The following IGF1R variants were observed in gnomAD, a reference collection of about 807,000 sequenced individuals.
IGF1R encodes the protein insulin like growth factor 1 receptor, also known as insulin-like growth factor 1 receptor.
Under a neutral mutation model 144.6 loss-of-function variants are expected in IGF1R, and 44 were observed. The observed-to-expected ratio is 0.30, with a 90% CI of 0.24 to 0.39. The LOEUF (loss-of-function observed/expected upper bound fraction) is 0.39, where lower values mean the gene tolerates loss of function less well. Among genes scored for constraint, IGF1R ranks in the 10% least tolerant of loss-of-function variants. IGF1R has a pLI of 1.00. For missense variants in IGF1R, 1,355 were observed against 1,833.7 expected, an observed-to-expected ratio of 0.74 and a Z score of 4.77; for synonymous variants, 795 against 722.8, an observed-to-expected ratio of 1.10 and a Z score of -1.60.
chr15:98,899,409 G>T lies in IGF1R; in HGVS notation c.1103-68G>T. On this transcript the variant is annotated intron_variant, in intron 4 of 20. Transcript: ENST00000650285. ...CGTTGAATTGTTCTCACTTGTGTTTGTAAGAATCCAAGTATGTCACCCTTA... is the reference window on the plus strand; with the variant it reads ...CGTTGAATTGTTCTCACTTGTGTTTTTAAGAATCCAAGTATGTCACCCTTA... The T allele has an allele frequency of 4.0e-6, 6 of 1,517,564 alleles. No homozygotes were observed. The South Asian group carries it at 5.6e-5, about 14-fold the overall frequency. The allele number at this position is 1,517,564 out of a possible 1,614,324, so 94.0% of individuals were successfully genotyped here.
chr15:98,884,379 T>A (rs193194825), intron 2 of IGF1R, among the ~76,000 whole-genome samples: 12 of 152,282 alleles, frequency 7.9e-5, no homozygotes, highest in African/African-American at 2.9e-4. Context: ...TGAGCTGATC[T>A]TTCTGTACCC....
At chr15:98,649,781 CG>C (rs896363642) in intron 1 of IGF1R, 106 bp downstream of exon 1, 3 of 844,594 alleles carry the variant, frequency 3.6e-6, no homozygotes, top group African/African-American at 3.4e-5. Context: ...GTCGGGCCCC[CG>C]GGCTCGGGAG....
chr15:98,851,915 C>A (rs1037035344), intron 2 of IGF1R, among the ~76,000 whole-genome samples: 2 of 152,240 alleles, frequency 1.3e-5, no homozygotes, highest in African/African-American at 4.8e-5. Flanking sequence ...AGGAAAGGGA[C>A]TAACGGGGCA....
chr15:98,820,236 C>A (rs1033858243), intron 2 of IGF1R, among the ~76,000 whole-genome samples: 3 of 151,912 alleles, frequency 2.0e-5, no homozygotes, highest in African/African-American at 7.3e-5. Flanking sequence ...TAGCCTTTTT[C>A]TCTGGTCTTA....
intron 6 of IGF1R, among the ~76,000 whole-genome samples, chr15:98,909,492 C>G (rs1596433367): frequency 1.3e-5 from 2 of 152,138 alleles, no homozygotes; most frequent in African/African-American, 4.8e-5. Context: ...CTCCTGACCT[C>G]AAATGATCCA....
chr15:98,652,400 T>G (rs181269007), intron 1 of IGF1R, among the ~76,000 whole-genome samples: 160 of 152,342 alleles, frequency 1.1e-3, no homozygotes, highest in African/African-American at 3.8e-3. Flanking sequence ...GAAGTTAGTG[T>G]TTTATTACCA....
chr15:98,812,836 T>G (rs1191973114), intron 2 of IGF1R, among the ~76,000 whole-genome samples: 4 of 152,208 alleles, frequency 2.6e-5, no homozygotes, highest in Non-Finnish European at 5.9e-5. Flanking sequence ...GGCTTGTCAT[T>G]AGATAACTCC....
At chr15:98,757,567 A>G (rs1369688759) in intron 2 of IGF1R, among the ~76,000 whole-genome samples, 1 of 152,092 alleles carries the variant, frequency 6.6e-6, no homozygotes. Context: ...TTTATTTTTC[A>G]GGGATTACAT....
intron 2 of IGF1R, among the ~76,000 whole-genome samples, chr15:98,710,514 TAC>T (rs972998242): frequency 5.9e-5 from 9 of 152,138 alleles, no homozygotes; most frequent in African/African-American, 2.2e-4. Flanking sequence ...GTGTAAAATA[TAC>T]ACTAGATTTC....
At chr15:98,842,309 TGA>T (rs1410597748) in intron 2 of IGF1R, among the ~76,000 whole-genome samples, 1 of 152,212 alleles carries the variant, frequency 6.6e-6, no homozygotes, top group Non-Finnish European at 1.5e-5. Context: ...GATTTAACTC[TGA>T]GGGGCTAAGT....
chr15:98,714,351 T>C (rs1364135476), intron 2 of IGF1R, among the ~76,000 whole-genome samples: 1 of 152,096 alleles, frequency 6.6e-6, no homozygotes, highest in Non-Finnish European at 1.5e-5. Context: ...TTTAAGAATG[T>C]GTAAATTGAA....
intron 2 of IGF1R, among the ~76,000 whole-genome samples, chr15:98,887,049 A>G (rs749558707): frequency 5.3e-5 from 8 of 152,158 alleles, no homozygotes; most frequent in Non-Finnish European, 1.2e-4. Flanking sequence ...AGTTTGCATC[A>G]TTTAACACGA....
chr15:98,684,212 T>G (rs1422312055), intron 1 of IGF1R, among the ~76,000 whole-genome samples: 1 of 152,218 alleles, frequency 6.6e-6, no homozygotes, highest in East Asian at 1.9e-4. Flanking sequence ...TTCTGTGTTA[T>G]GAACAACTTG....
At chr15:98,716,320 G>C (rs1189356045) in intron 2 of IGF1R, among the ~76,000 whole-genome samples, 2 of 151,718 alleles carry the variant, frequency 1.3e-5, no homozygotes, top group East Asian at 3.9e-4. Context: ...CTCTCTCTCT[G>C]TCTCTCTCTC....
In IGF1R at chr15:98,801,879, T is replaced by C. The variant is rs148209149; in HGVS notation, c.641-89446T>C. 3.7e-4 allele frequency among the ~76,000 whole-genome samples: 57 copies of C among 152,318 alleles called. No individual in the cohort carries two copies. The East Asian group carries it at 7.3e-3, about 20-fold the overall frequency. On this transcript the variant is annotated intron_variant, in intron 2 of 20. Transcript: ENST00000650285. ...GGGACTCTGAAACACTGCAAGCCAA[T>C]GGACTGAGCATCTTACTTTTGCTGT...
intron 2 of IGF1R, among the ~76,000 whole-genome samples, chr15:98,787,067 T>C (rs531408456): frequency 6.6e-6 from 1 of 152,116 alleles, no homozygotes; most frequent in Non-Finnish European, 1.5e-5. Flanking sequence ...TCAGCGCCCC[T>C]TCGTAATTGG....
rs78982292 is a variant in IGF1R at position 98,962,588 on chromosome 15, G to A, written c.*5146G>A. On this transcript the variant is annotated 3_prime_UTR_variant, in exon 21 of 21. Transcript: ENST00000650285. The stretch of plus-strand genomic sequence containing the variant: ...GCCTTCATCTTAGATGACTGGTTGC[G>A]TCATTTGGAGAAGTGAGTGCTCCTT... 6.8e-3 allele frequency: 1,582 copies of A among 233,770 alleles called. 19 individuals are homozygous for A. Among genetic ancestry groups the A allele is most frequent in the African/African-American group, 0.031 (1,427 of 45,456 alleles). The allele number at this position is 233,770 out of a possible 1,614,324, so 14.5% of individuals were successfully genotyped here.
intron 18 of IGF1R, among the ~76,000 whole-genome samples, chr15:98,941,491 A>G (rs2715419): frequency 0.48 from 72,602 of 151,998 alleles, 18,100 homozygotes; most frequent in Non-Finnish European, 0.57. Context: ...CAAGTTTTTC[A>G]TTTGTGCTGA....
chr15:98,934,589 C>T (rs1567208813), intron 15 of IGF1R, among the ~76,000 whole-genome samples: 1 of 152,154 alleles, frequency 6.6e-6, no homozygotes, highest in African/African-American at 2.4e-5. Flanking sequence ...CTGTTAGTAT[C>T]CTCAAATTAT....
Sources: allele counts gnomAD v4.1 joint callset (sites outside exome capture counted in the v4.1 genomes callset), GRCh38; gene constraint gnomAD v4.1.1; transcripts MANE v1.5; gene names NCBI Gene and HGNC (gene_info 2026-07-23, HGNC 2026-07-21).